Variants in SARDH observed in about 807,000 individuals in gnomAD.
The protein encoded by SARDH is sarcosine dehydrogenase, also known as sarcosine dehydrogenase, mitochondrial.
Under a neutral mutation model 109.1 loss-of-function variants are expected in SARDH, and 95 were observed. The ratio of observed to expected loss-of-function variants is 0.87; its 90% CI spans 0.74 to 1.03. The LOEUF (loss-of-function observed/expected upper bound fraction) is 1.03, where lower values mean the gene tolerates loss of function less well. SARDH is among the 50% of genes least tolerant of loss of function. The pLI, the probability that SARDH is intolerant of heterozygous loss-of-function variation, is 0.00. For synonymous variants in SARDH, 572 were observed against 534.8 expected, an observed-to-expected ratio of 1.07 and a Z score of -0.96; for missense variants, 1,267 against 1,287.8, an observed-to-expected ratio of 0.98 and a Z score of 0.25.
At position 133,671,602 on chromosome 9, in the gene SARDH, G is replaced by A. The variant is rs755342036; in HGVS notation, c.2259C>T (p.Ala753=). The change falls in exon 18 of 21, where the codon GCC becomes GCT. Residue 753 remains alanine (A), a synonymous_variant. Coordinates refer to ENST00000439388, the MANE Select transcript of SARDH (RefSeq NM_001134707.2). ...SCVPVYRAVM[A]AGAKHGLINA... ...TGATGAGGCCGTGCTTGGCACCCGC[G>A]GCCATCACAGCCCGGTACACAGGCA... 6.2e-6 allele frequency: 10 copies of A among 1,604,450 alleles called. No individual in the cohort carries two copies. Among genetic ancestry groups the A allele is most frequent in the Middle Eastern group, 1.6e-4 (1 of 6,074 alleles).
intron 5 of SARDH, 23 bp from the exon 6 acceptor site, chr9:133,729,888 T>A (rs1430839729): frequency 1.2e-6 from 2 of 1,609,840 alleles, no homozygotes; most frequent in South Asian, 2.2e-5. Flanking sequence ...CACAGACAGC[T>A]CAGCTCTGCT....
chr9:133,730,120 G>A lies in SARDH; in HGVS notation c.758C>T (p.Ala253Val), dbSNP rs200225875. The change falls in exon 5 of 21, where the codon GCG becomes GTG. Residue 253 changes from alanine (A) to valine (V), a missense_variant. Ala to Val is a moderately conservative substitution (Grantham distance 64). Transcript: ENST00000439388. ...GGAACCATGCTGAGTCTCCACACCC[G>A]CGACCCGCCGCACCCCAAAATCATC... ...WTDDFGVRRVAGVETQHGSIQ... is the reference protein window; with the variant it reads ...WTDDFGVRRVVGVETQHGSIQ... The A allele has an allele frequency of 1.9e-5, 30 of 1,614,176 alleles. No homozygotes were observed. Among genetic ancestry groups the A allele is most frequent in the East Asian group, 8.9e-5 (4 of 44,882 alleles).
At chr9:133,720,363 G>A (rs1411543209) in intron 6 of SARDH, among the ~76,000 whole-genome samples, 1 of 152,190 alleles carries the variant, frequency 6.6e-6, no homozygotes, top group Admixed American at 6.5e-5. Context: ...GGGAGGCGAA[G>A]GTTGCAGTGA....
At chr9:133,664,067 C>T (rs1213213402) in intron 20 of SARDH, 53 bp from the exon 21 acceptor site, 4 of 1,588,626 alleles carry the variant, frequency 2.5e-6, no homozygotes, top group Non-Finnish European at 1.7e-6. Flanking sequence ...GTACAGGGCT[C>T]ACGTCTGCCT....
intron 19 of SARDH, among the ~76,000 whole-genome samples, chr9:133,669,979 C>T (rs1320440111): frequency 6.6e-6 from 1 of 152,236 alleles, no homozygotes; most frequent in African/African-American, 2.4e-5. Flanking sequence ...TTCTCTACCT[C>T]CCCACGGGCC....
rs1408512003 is a variant in SARDH, at chr9:133,692,808, C to T, written c.1921+1450G>A. Among the ~76,000 whole-genome samples, 1 of 152,150 alleles carries T rather than the reference C, an allele frequency of 6.6e-6. No homozygotes were observed. Among genetic ancestry groups the T allele is most frequent in the East Asian group, 1.9e-4 (1 of 5,184 alleles). ...GGAACGAGCTCATGGATCCATGAGGCACGAGCGCTGTGGCTCAGCCCATGG... is the reference window on the plus strand; with the variant it reads ...GGAACGAGCTCATGGATCCATGAGGTACGAGCGCTGTGGCTCAGCCCATGG... On this transcript the variant is annotated intron_variant, in intron 15 of 20. Coordinates refer to ENST00000439388, the MANE Select transcript of SARDH (RefSeq NM_001134707.2). This position sits in a 1 kb window ranked among gnomAD's most constrained non-coding sequence, Gnocchi z 5.0.
At chr9:133,690,307 C>T in intron 16 of SARDH, 73 bp downstream of exon 16, 1 of 1,558,490 alleles carries the variant, frequency 6.4e-7, no homozygotes. Context: ...AGCTGTTCTG[C>T]CCAAGGGCCT....
chr9:133,691,180 AC>A (rs1831082377), intron 15 of SARDH, among the ~76,000 whole-genome samples: 1 of 143,510 alleles, frequency 7.0e-6, no homozygotes, highest in African/African-American at 2.8e-5. Flanking sequence ...ACACACACAC[AC>A]ACACACACAC....
chr9:133,719,339 A>G (rs1832240536), intron 6 of SARDH, among the ~76,000 whole-genome samples: 1 of 152,354 alleles, frequency 6.6e-6, no homozygotes, highest in Admixed American at 6.5e-5. Context: ...AGCAAAACAT[A>G]TAACCGACAA....
chr9:133,659,964 G>A (rs129884), downstream of SARDH, among the ~76,000 whole-genome samples: 28,931 of 151,988 alleles, frequency 0.19, 2,986 homozygotes, highest in East Asian at 0.38. Flanking sequence ...CAGGGAAACT[G>A]AGACTCCCAG....
intron 13 of SARDH, among the ~76,000 whole-genome samples, chr9:133,701,682 G>A (rs975446803): frequency 3.9e-5 from 6 of 152,194 alleles, no homozygotes; most frequent in African/African-American, 7.2e-5. Context: ...GGGAGGCAGC[G>A]ACAAGGGACT....
At chr9:133,732,963 C>T (rs552412470) in intron 2 of SARDH, among the ~76,000 whole-genome samples, 26 of 152,304 alleles carry the variant, frequency 1.7e-4, no homozygotes, top group Admixed American at 1.3e-3. Flanking sequence ...GATCACAGAG[C>T]AGGTGAGTGG....
intron 6 of SARDH, among the ~76,000 whole-genome samples, chr9:133,723,330 A>G (rs1289519793): frequency 6.6e-6 from 1 of 152,228 alleles, no homozygotes; most frequent in African/African-American, 2.4e-5. Flanking sequence ...ACCCAAAACA[A>G]TTTTGAAAAG....
At position 133,712,751 on chromosome 9, in the gene SARDH, G is replaced by T. The variant is rs373307216; in HGVS notation, c.1238-42C>A. 23 of 1,576,650 alleles carry T rather than the reference G, an allele frequency of 1.5e-5. No homozygotes were observed. Among genetic ancestry groups the T allele is most frequent in the Non-Finnish European group, 1.8e-5 (21 of 1,158,168 alleles). On this transcript the variant is annotated intron_variant, in intron 9 of 20. Coordinates refer to ENST00000439388, the MANE Select transcript of SARDH (RefSeq NM_001134707.2). This position sits in a 1 kb window ranked among gnomAD's most constrained non-coding sequence, Gnocchi z 4.1. ...CGCAGGGCTGCGGTCTGCCCCCCAG[G>T]GTCCCCCACCCATGTCCAAACATGT...
At chr9:133,700,575 G>T (rs146114039) in intron 13 of SARDH, among the ~76,000 whole-genome samples, 1 of 152,130 alleles carries the variant, frequency 6.6e-6, no homozygotes, top group Non-Finnish European at 1.5e-5. Context: ...ATCTTTTGCT[G>T]GGAGATGAAA....
At position 133,726,594 on chromosome 9, in the gene SARDH, C is replaced by T. The variant is rs139527461; in HGVS notation, c.915+3171G>A. On this transcript the variant is annotated intron_variant, in intron 6 of 20. Transcript: ENST00000439388. ...GATCCTGCTGCCTCTGAGCACCCAGCGGAGTGCCCAGTTCAGCATCAGCGT... is the reference window on the plus strand; with the variant it reads ...GATCCTGCTGCCTCTGAGCACCCAGTGGAGTGCCCAGTTCAGCATCAGCGT... Among the ~76,000 whole-genome samples the T allele has an allele frequency of 1.9e-3, 284 of 152,186 alleles. 5 individuals are homozygous for T. Among genetic ancestry groups the T allele is most frequent in the African/African-American group, 6.7e-3 (277 of 41,520 alleles).
At chr9:133,695,754 G>A (rs1394068922) in intron 14 of SARDH, among the ~76,000 whole-genome samples, 1 of 152,006 alleles carries the variant, frequency 6.6e-6, no homozygotes, top group Non-Finnish European at 1.5e-5. Flanking sequence ...GGTGGGTGAC[G>A]AAAAGGCAGA....
In SARDH at chr9:133,733,991, C is replaced by A; in HGVS notation, c.183G>T (p.Arg61=). ...GTSVVAQGPS[R]PLPSTANVVV... ...CCACGTTGGCCGTGCTGGGCAGGGG[C>A]CGGCTTGGGCCTTGGGCCACCACCG... Residue 61 remains arginine, a synonymous_variant, in exon 2 of 21, where the codon CGG becomes CGT. Coordinates refer to ENST00000439388, the MANE Select transcript of SARDH (RefSeq NM_001134707.2). 6.2e-7 allele frequency: 1 copy of A among 1,612,664 alleles called. No individual in the cohort carries two copies. Among genetic ancestry groups the A allele is most frequent in the Non-Finnish European group, 8.5e-7 (1 of 1,179,790 alleles).
chr9:133,720,594 T>C (rs1832289177), intron 6 of SARDH, among the ~76,000 whole-genome samples: 1 of 152,070 alleles, frequency 6.6e-6, no homozygotes, highest in Admixed American at 6.5e-5. Flanking sequence ...GGCCTCACAA[T>C]CATGGTGGAA....
Sources: gnomAD v4.1 joint callset for allele counts (sites outside exome capture counted in the v4.1 genomes callset) on GRCh38, gnomAD v4.1.1 for gene constraint, Gnocchi (gnomAD v3.1) non-coding constraint, MANE v1.5 for transcripts, NCBI Gene and HGNC (gene_info 2026-07-23, HGNC 2026-07-21) for gene names.